Variants in RBFOX1 observed in about 807,000 individuals in gnomAD.
The protein encoded by RBFOX1 is RNA binding fox-1 homolog 1.
In RBFOX1, 8 loss-of-function variants were observed where a neutral mutation model predicts 57.7. The observed-to-expected ratio is 0.14, with a 90% confidence interval of 0.08 to 0.25. RBFOX1 has a LOEUF of 0.25. Among genes scored for constraint, RBFOX1 ranks in the 10% least tolerant of loss-of-function variants. RBFOX1 has a pLI of 1.00. For missense variants in RBFOX1, 611 were observed against 548.5 expected (o/e 1.11, Z -1.14); for synonymous variants, 326 against 222.4 (o/e 1.47, Z -4.15).
intron 14 of RBFOX1, among the ~76,000 whole-genome samples, chr16:7,679,811 A>G (rs2146622824): frequency 6.6e-6 from 1 of 152,166 alleles, no homozygotes; most frequent in East Asian, 1.9e-4. Context: ...CTCCAGAAAG[A>G]AGACCATCTG....
chr16:5,907,630 C>G (rs929386404), intron 4 of RBFOX1, among the ~76,000 whole-genome samples: 15 of 152,072 alleles, frequency 9.9e-5, no homozygotes, highest in African/African-American at 3.6e-4. Flanking sequence ...CTGAGTAGGA[C>G]TCTTGTTTTC....
At chr16:7,479,233 C>G (rs1379784295) in intron 4 of RBFOX1, among the ~76,000 whole-genome samples, 3 of 151,714 alleles carry the variant, frequency 2.0e-5, no homozygotes, top group African/African-American at 4.8e-5. Flanking sequence ...AGGCAACTCT[C>G]CTGCCTCAGC....
chr16:6,500,702 T>G (rs530674158), intron 2 of RBFOX1, among the ~76,000 whole-genome samples: 87 of 151,480 alleles, frequency 5.7e-4, no homozygotes, highest in African/African-American at 1.9e-3. Flanking sequence ...CTTAGAAAAC[T>G]TGGACACTGA....
intron 4 of RBFOX1, among the ~76,000 whole-genome samples, chr16:7,242,249 C>T (rs922838132): frequency 9.3e-4 from 141 of 152,072 alleles, no homozygotes; most frequent in African/African-American, 3.2e-3. Flanking sequence ...AGAGTGTTCA[C>T]TGAAAATTCA....
chr16:6,458,403 G>A (rs2795572), intron 2 of RBFOX1, among the ~76,000 whole-genome samples: 119,116 of 152,168 alleles, frequency 0.78, 46,923 homozygotes, highest in Middle Eastern at 0.87. Flanking sequence ...GAAGATAGCC[G>A]TAGAACCAGA....
At chr16:7,705,562 G>T (rs1200233773) in intron 14 of RBFOX1, among the ~76,000 whole-genome samples, 1 of 152,174 alleles carries the variant, frequency 6.6e-6, no homozygotes, top group Non-Finnish European at 1.5e-5. Context: ...CCAAGGGAAG[G>T]AAGATGAAGA....
chr16:7,058,017 A>AAAAC (rs1555829846), intron 4 of RBFOX1, among the ~76,000 whole-genome samples: 2 of 151,516 alleles, frequency 1.3e-5, no homozygotes, highest in Non-Finnish European at 2.9e-5. Context: ...AAAAAAAAAA[A>AAAAC]AAAAACACGA....
At position 7,548,752 on chromosome 16, in the gene RBFOX1, C is replaced by G. The variant is rs150365985; in HGVS notation, c.270+30363C>G. On this transcript the variant is annotated intron_variant, in intron 5 of 15. Coordinates refer to ENST00000550418, the MANE Select transcript of RBFOX1 (RefSeq NM_018723.4). ...GCTTTGCTCAGAGTTTTCTTCTCCA[C>G]TTGAGGCCGCCATGTTTGCCTCTGT... Among the ~76,000 whole-genome samples the G allele has an allele frequency of 2.7e-3, 411 of 152,330 alleles. 3 individuals carry two copies. Among genetic ancestry groups the G allele is most frequent in the Admixed American group, 4.3e-3 (66 of 15,306 alleles).
intron 4 of RBFOX1, among the ~76,000 whole-genome samples, chr16:6,006,724 A>G (rs1266597268): frequency 6.6e-6 from 1 of 152,230 alleles, no homozygotes; most frequent in Non-Finnish European, 1.5e-5. Context: ...GGTCTTGGAT[A>G]TGTGGAGAGT....
chr16:6,922,324 C>A (rs117193948), intron 3 of RBFOX1, among the ~76,000 whole-genome samples: 2 of 151,982 alleles, frequency 1.3e-5, no homozygotes, highest in Non-Finnish European at 2.9e-5. Flanking sequence ...TCCGAGTGTC[C>A]GGTGGTAATG....
intron 2 of RBFOX1, among the ~76,000 whole-genome samples, chr16:6,459,901 T>C (rs1400240058): frequency 6.9e-6 from 1 of 144,634 alleles, no homozygotes; most frequent in Non-Finnish European, 1.5e-5. Context: ...GGAGAATAGC[T>C]TGAACCTGAG....
chr16:6,851,630 A>C (rs938785726), intron 3 of RBFOX1, among the ~76,000 whole-genome samples: 1 of 152,186 alleles, frequency 6.6e-6, no homozygotes, highest in East Asian at 1.9e-4. Flanking sequence ...CCTCCTCTCA[A>C]GCCTCCTGTT....
intron 3 of RBFOX1, among the ~76,000 whole-genome samples, chr16:6,898,876 C>T (rs1257040104): frequency 1.5e-5 from 2 of 136,668 alleles, no homozygotes; most frequent in South Asian, 5.0e-4. Context: ...CACATGTACA[C>T]GTGTATAATA....
At chr16:7,195,996 C>T (rs1018881810) in intron 4 of RBFOX1, among the ~76,000 whole-genome samples, 4 of 152,002 alleles carry the variant, frequency 2.6e-5, no homozygotes, top group African/African-American at 9.7e-5. Context: ...GGAGTTTCTT[C>T]CAGGCTGTCA....
chr16:5,568,624 A>G (rs748900582), intron 2 of RBFOX1, among the ~76,000 whole-genome samples: 2 of 152,190 alleles, frequency 1.3e-5, no homozygotes, highest in Non-Finnish European at 2.9e-5. Context: ...GTGGGCTGGC[A>G]TAATTTGATA....
chr16:6,526,297 C>T (rs1420054), intron 2 of RBFOX1, among the ~76,000 whole-genome samples: 9,968 of 152,212 alleles, frequency 0.065, 865 homozygotes, highest in African/African-American at 0.2. Context: ...TTGGGACAAG[C>T]GGAGCCATTT....
At chr16:7,308,392 G>A (rs1687057365) in intron 4 of RBFOX1, among the ~76,000 whole-genome samples, 1 of 150,670 alleles carries the variant, frequency 6.6e-6, no homozygotes, top group Non-Finnish European at 1.5e-5. Context: ...GCGTCTCTCA[G>A]TACTATTCTA....
At chr16:6,514,074 A>T (rs1214199824) in intron 2 of RBFOX1, among the ~76,000 whole-genome samples, 1 of 152,194 alleles carries the variant, frequency 6.6e-6, no homozygotes, top group Non-Finnish European at 1.5e-5. Flanking sequence ...GTCCGTAGCC[A>T]TTGGTCGTCA....
chr16:6,763,089 C>A (rs977756926), intron 3 of RBFOX1, among the ~76,000 whole-genome samples: 1 of 152,154 alleles, frequency 6.6e-6, no homozygotes, highest in Non-Finnish European at 1.5e-5. Flanking sequence ...ATTACGAGAA[C>A]TTATGTAAAT....
Sources: allele counts gnomAD v4.1 joint callset (sites outside exome capture counted in the v4.1 genomes callset), GRCh38; gene constraint gnomAD v4.1.1; transcripts MANE v1.5; gene names NCBI Gene and HGNC (gene_info 2026-07-23, HGNC 2026-07-21).